The following CDC42 variants were observed in gnomAD, a reference collection of about 807,000 sequenced individuals.
CDC42 encodes cell division cycle 42.
CDC42 carries 1 observed loss-of-function variant against 20.8 expected under a neutral mutation model. The observed-to-expected ratio is 0.05, with a 90% CI of 0.02 to 0.23. The LOEUF (loss-of-function observed/expected upper bound fraction) is 0.23. CDC42 is among the 10% of genes least tolerant of loss of function. CDC42 has a pLI of 1.00. For missense variants in CDC42, 49 were observed against 227.9 expected (o/e 0.21, Z 5.05); for synonymous variants, 72 against 84.8 (o/e 0.85, Z 0.83).
At chr1:22,059,999 C>G (rs1416876185) in intron 1 of CDC42, among the ~76,000 whole-genome samples, 2 of 152,152 alleles carry the variant, frequency 1.3e-5, no homozygotes, top group Non-Finnish European at 2.9e-5. Context: ...TGTCCATTCT[C>G]TGTGTCTTAA....
At chr1:22,071,984 C>T (rs935679546) in intron 1 of CDC42, among the ~76,000 whole-genome samples, 7 of 152,140 alleles carry the variant, frequency 4.6e-5, no homozygotes, top group Admixed American at 3.3e-4. Context: ...CCTAGGCTAC[C>T]TATACCTCTG....
rs12138393 is a variant in CDC42, at chr1:22,093,854, T to C, written c.*2337T>C. On this transcript the variant is annotated 3_prime_UTR_variant, in exon 6 of 6. Transcript: ENST00000656825. ...CTATATCTTTGTCCTAAAGCAATGC[T>C]TGACATGATATGGCTCTAGAAGTAG... Among the ~76,000 whole-genome samples, 924 of 152,338 alleles carry C rather than the reference T, an allele frequency of 6.1e-3. 6 individuals are homozygous for C. Among genetic ancestry groups the C allele is most frequent in the Middle Eastern group, 0.041 (12 of 294 alleles).
chr1:22,086,632 G>C lies in CDC42; in HGVS notation c.289-37G>C, dbSNP rs781155224. On this transcript the variant is annotated intron_variant, in intron 4 of 5. Transcript: ENST00000656825. ...TTATAAATAGCATTAGAGGCTTGTT[G>C]ATTAACAAAGGTGTATTTTAAAATA... The C allele has an allele frequency of 1.9e-6, 3 of 1,603,556 alleles. No individual in the cohort carries two copies. In the Admixed American group the frequency reaches 5.0e-5, roughly 27 times the overall value.
In CDC42 at chr1:22,094,293, G is replaced by GTTTTTTTTTTTTT. The variant is rs1557910832; in HGVS notation, c.*2776_*2777insTTTTTTTTTTTTT. ...TGTTTTACTGAACATCCTAGAAATA[G>GTTTTTTTTTTTTT]ATTTTTTTTTTTTTTTTTTTTTGAG... is the stretch of plus-strand genomic sequence containing the variant. On this transcript the variant is annotated 3_prime_UTR_variant, in exon 6 of 6. Transcript: ENST00000656825. Among the ~76,000 whole-genome samples, 3 of 27,714 alleles carry GTTTTTTTTTTTTT rather than the reference G, an allele frequency of 1.1e-4. No homozygotes were observed. The highest frequency in any genetic ancestry group is 2.2e-3 in the East Asian group (1 of 458). 18.2% of individuals were successfully genotyped at this position (27,714 alleles called of 152,430 possible).
In CDC42 at chr1:22,071,480, G is replaced by A. The variant is rs146152670; in HGVS notation, c.-50-6949G>A. On this transcript the variant is annotated intron_variant, in intron 1 of 5. Transcript: ENST00000656825. Reference sequence around the variant, plus strand: ...CACTTGCATACGTGTGTGAATGCATGGAATACATTGCTGTGGTTTGAGTAC... The same window carrying A: ...CACTTGCATACGTGTGTGAATGCATAGAATACATTGCTGTGGTTTGAGTAC... Among the ~76,000 whole-genome samples, 853 of 152,314 alleles carry A rather than the reference G, an allele frequency of 5.6e-3. 14 individuals are homozygous for A. The highest frequency in any genetic ancestry group is 0.02 in the African/African-American group (817 of 41,560).
chr1:22,078,606 G>C, intron 2 of CDC42, 23 bp downstream of exon 2: 1 of 1,579,754 alleles, frequency 6.3e-7, no homozygotes, highest in Non-Finnish European at 8.6e-7. Context: ...GCTTCCTTCT[G>C]TTAGTAAAAT....
In CDC42 at chr1:22,094,213, G is replaced by C. The variant is rs1013682235; in HGVS notation, c.*2696G>C. 1.4e-5 allele frequency among the ~76,000 whole-genome samples: 2 copies of C among 146,870 alleles called. No homozygotes were observed. Among genetic ancestry groups the C allele is most frequent in the Non-Finnish European group, 3.0e-5 (2 of 67,112 alleles). On this transcript the variant is annotated 3_prime_UTR_variant, in exon 6 of 6. Transcript: ENST00000656825. ...AAAATAGTCCTTACAGGCTTAGTTTGTGTCAGAATTTATAGTATTTAATAC... is the reference window on the plus strand; with the variant it reads ...AAAATAGTCCTTACAGGCTTAGTTTCTGTCAGAATTTATAGTATTTAATAC...
At chr1:22,074,963 A>G (rs1056204732) in intron 1 of CDC42, among the ~76,000 whole-genome samples, 1 of 152,240 alleles carries the variant, frequency 6.6e-6, no homozygotes, top group African/African-American at 2.4e-5. Context: ...ATTAGTTAAT[A>G]TCAGGTTACT....
rs1270518063 is a variant in CDC42, at chr1:22,097,751, T to C, written c.*6234T>C. ...CATATCCAGTGAGTCTTTAAAGCCC[T>C]ACGTTATAGAAAAATGTGAAGTATG... On this transcript the variant is annotated 3_prime_UTR_variant, in exon 6 of 6. Coordinates refer to ENST00000656825, the MANE Select transcript of CDC42 (RefSeq NM_001791.4). Among the ~76,000 whole-genome samples the C allele has an allele frequency of 6.6e-6, 1 of 152,238 alleles. No homozygotes were observed. The highest frequency in any genetic ancestry group is 1.5e-5 in the Non-Finnish European group (1 of 68,040).
rs1645770115 is a variant in CDC42, at chr1:22,098,294, A to G, written c.*6777A>G. Reference sequence around the variant, plus strand: ...ATACTTAGTTATCATTGAGGTCTCAAATGCAGTTCGGGTTCCTGGTTGGTG... The same window carrying G: ...ATACTTAGTTATCATTGAGGTCTCAGATGCAGTTCGGGTTCCTGGTTGGTG... On this transcript the variant is annotated 3_prime_UTR_variant, in exon 6 of 6. Transcript: ENST00000656825. Among the ~76,000 whole-genome samples the G allele has an allele frequency of 6.6e-6, 1 of 152,112 alleles. No individual in the cohort carries two copies. Among genetic ancestry groups the G allele is most frequent in the Non-Finnish European group, 1.5e-5 (1 of 68,020 alleles).
At chr1:22,063,091 G>A (rs1218417904) in intron 1 of CDC42, among the ~76,000 whole-genome samples, 1 of 152,060 alleles carries the variant, frequency 6.6e-6, no homozygotes, top group Non-Finnish European at 1.5e-5. Flanking sequence ...TATATGACTT[G>A]GACTCATAGT....
intron 1 of CDC42, among the ~76,000 whole-genome samples, chr1:22,062,608 G>A (rs1442282494): frequency 6.6e-6 from 1 of 151,366 alleles, no homozygotes; most frequent in Non-Finnish European, 1.5e-5. Flanking sequence ...TTCTGATTGG[G>A]TATGGTGGCT....
intron 1 of CDC42, among the ~76,000 whole-genome samples, chr1:22,056,267 A>G (rs1450105249): frequency 6.6e-6 from 1 of 152,168 alleles, no homozygotes; most frequent in East Asian, 1.9e-4. Flanking sequence ...GTGCTTGGTC[A>G]GCCATATCTT....
chr1:22,073,470 C>T (rs530465936), intron 1 of CDC42, among the ~76,000 whole-genome samples: 38 of 150,670 alleles, frequency 2.5e-4, no homozygotes, highest in South Asian at 1.0e-3. Flanking sequence ...ACCCTGGAGG[C>T]GGAGGTTGCA....
chr1:22,075,401 T>TC (rs1016121134), intron 1 of CDC42, among the ~76,000 whole-genome samples: 2 of 152,160 alleles, frequency 1.3e-5, no homozygotes, highest in African/African-American at 4.8e-5. Flanking sequence ...TCCAGAACTC[T>TC]CCAAGGATAC....
At chr1:22,082,039 G>A (rs1194053528) in intron 3 of CDC42, among the ~76,000 whole-genome samples, 1 of 150,452 alleles carries the variant, frequency 6.6e-6, no homozygotes, top group African/African-American at 2.4e-5. Flanking sequence ...AGACTAGAGT[G>A]CATCATACAA....
intron 1 of CDC42, among the ~76,000 whole-genome samples, chr1:22,069,126 G>A (rs1645454775): frequency 6.8e-6 from 1 of 147,870 alleles, no homozygotes; most frequent in South Asian, 2.2e-4. Context: ...TACAAGTCTT[G>A]AGTATTTTGA....
chr1:22,054,509 C>T (rs1645273830), intron 1 of CDC42, among the ~76,000 whole-genome samples: 1 of 152,028 alleles, frequency 6.6e-6, no homozygotes, highest in Non-Finnish European at 1.5e-5. Flanking sequence ...TGTATCCTTC[C>T]GCGACTGCAA....
In CDC42 at chr1:22,078,808, A is replaced by G. The variant is rs1645577572; in HGVS notation, c.105+225A>G. The G allele has an allele frequency of 2.1e-6, 3 of 1,441,428 alleles. No homozygotes were observed. In the South Asian group the frequency reaches 3.6e-5, roughly 18 times the overall value. The allele number at this position is 1,441,428 out of a possible 1,614,324, so 89.3% of individuals were successfully genotyped here. A position where few individuals can be genotyped will look rare whatever the true frequency, so the allele number is the denominator to read the frequency against. On this transcript the variant is annotated intron_variant, in intron 2 of 5. Transcript: ENST00000656825. ...GGGTTTGCAAGAAGTGCTGGGAGGCAAAACTCCAGTAGACAAGATTCTAAC... is the reference window on the plus strand; with the variant it reads ...GGGTTTGCAAGAAGTGCTGGGAGGCGAAACTCCAGTAGACAAGATTCTAAC...
Sources: allele counts gnomAD v4.1 joint callset (sites outside exome capture counted in the v4.1 genomes callset), GRCh38; gene constraint gnomAD v4.1.1; transcripts MANE v1.5; gene names NCBI Gene and HGNC (gene_info 2026-07-23, HGNC 2026-07-21).